CYB5R3: variants seen among roughly 807,000 people sequenced by gnomAD.
The protein encoded by CYB5R3 is cytochrome b5 reductase 3, also known as NADH-cytochrome b5 reductase 3.
CYB5R3 carries 28 observed loss-of-function variants against 36.5 expected under a neutral mutation model. The observed-to-expected ratio is 0.77, with a 90% CI of 0.57 to 1.05. The LOEUF is 1.05. Ranked by LOEUF, CYB5R3 falls within the 50% of genes least tolerant of loss-of-function variation. The probability of loss-of-function intolerance (pLI) is 0.00; values close to 1 mark genes in which losing one functional copy is unlikely to be tolerated. For missense variants in CYB5R3, 474 were observed against 408.9 expected, an observed-to-expected ratio of 1.16 and a Z score of -1.37; for synonymous variants, 181 against 159.8, an observed-to-expected ratio of 1.13 and a Z score of -1.00.
chr22:42,648,411 G>A (rs760750308), intron 1 of CYB5R3, among the ~76,000 whole-genome samples: 8 of 152,202 alleles, frequency 5.3e-5, no homozygotes, highest in Non-Finnish European at 1.0e-4. Context: ...ACAGACTCAA[G>A]CCTCCAGCCT....
In CYB5R3 at chr22:42,630,866, G is replaced by C. The variant is rs1173933957; in HGVS notation, c.333+16C>G. On this transcript the variant is annotated intron_variant, in intron 4 of 8. Coordinates refer to ENST00000352397, the MANE Select transcript of CYB5R3 (RefSeq NM_000398.7). ...CCACCCACACCCCCTCCACAGTCATGACCCAGAGGCTTCACCTTGATGACC... is the reference window on the plus strand; with the variant it reads ...CCACCCACACCCCCTCCACAGTCATCACCCAGAGGCTTCACCTTGATGACC... 1.2e-6 allele frequency: 2 copies of C among 1,603,626 alleles called. No individual in the cohort carries two copies. Among genetic ancestry groups the C allele is most frequent in the South Asian group, 1.1e-5 (1 of 89,658 alleles).
In CYB5R3 at chr22:42,630,918, G is replaced by A. The variant is rs150701311; in HGVS notation, c.297C>T (p.Ser99=). 9.5e-3 allele frequency: 15,407 copies of A among 1,613,892 alleles called. 133 individuals carry two copies. The highest frequency in any genetic ancestry group is 0.01 in the Non-Finnish European group (12,334 of 1,179,900). Residue 99 remains serine (S), a synonymous_variant, in exon 4 of 9, where the codon AGC becomes AGT. Coordinates refer to ENST00000352397, the MANE Select transcript of CYB5R3 (RefSeq NM_000398.7). ...LVVRPYTPIS[S]DDDKGFVDLV... ...GGTCCACGAAGCCCTTGTCATCATCGCTGGAGATGGGTGTATAGGGCCGGA... is the reference window on the plus strand; with the variant it reads ...GGTCCACGAAGCCCTTGTCATCATCACTGGAGATGGGTGTATAGGGCCGGA...
rs966209805 is a variant in CYB5R3 at position 42,627,385 on chromosome 22, G to A, written c.552C>T (p.Ile184=). 1 of 1,613,728 alleles carries A rather than the reference G, an allele frequency of 6.2e-7. No homozygotes were observed. Among genetic ancestry groups the A allele is most frequent in the Middle Eastern group, 1.7e-4 (1 of 6,056 alleles). The change falls in exon 7 of 9, where the codon ATC becomes ATT. Residue 184 remains isoleucine, a synonymous_variant. Transcript: ENST00000352397. The part of the protein sequence containing the change: ...SVGMIAGGTG[I]TPMLQVIRAI... ...CGCGGATCACCTGCAGCATCGGGGT[G>A]ATGCCTGCAAAATAGCCGGCCGGGC...
At chr22:42,627,827 G>A in intron 5 of CYB5R3, 139 bp from the exon 6 acceptor site, 1 of 759,862 alleles carries the variant, frequency 1.3e-6, no homozygotes, top group Non-Finnish European at 2.3e-6. Flanking sequence ...CGCGAGCCAT[G>A]AGGAAGGTGC....
chr22:42,623,682 G>A, intron 8 of CYB5R3, 107 bp downstream of exon 8: 1 of 902,980 alleles, frequency 1.1e-6, no homozygotes, highest in Non-Finnish European at 1.8e-6. Context: ...CAGGGCCATA[G>A]TGAGTGCCAG....
chr22:42,633,634 T>G (rs1476912634), intron 2 of CYB5R3, among the ~76,000 whole-genome samples: 2 of 151,912 alleles, frequency 1.3e-5, no homozygotes, highest in African/African-American at 4.8e-5. Context: ...AAATACAAAA[T>G]TAGCTGGGCA....
rs1927835180 is a variant in CYB5R3 at position 42,619,500 on chromosome 22, G to A, written c.*273C>T. ...TAGTGTGTGTGGGGGGTGGACGAGG[G>A]GTCATGAGGACAGGGATGGGGCTGG... On this transcript the variant is annotated 3_prime_UTR_variant, in exon 9 of 9. Transcript: ENST00000352397. The A allele has an allele frequency of 1.9e-6, 1 of 527,670 alleles. No homozygotes were observed. The highest frequency in any genetic ancestry group is 3.2e-5 in the East Asian group (1 of 30,792). The allele number at this position is 527,670 out of a possible 1,614,324, so 32.7% of individuals were successfully genotyped here. A position where few individuals can be genotyped will look rare whatever the true frequency, so the allele number is the denominator to read the frequency against.
intron 1 of CYB5R3, among the ~76,000 whole-genome samples, chr22:42,637,356 T>C (rs1219876062): frequency 6.6e-6 from 1 of 152,184 alleles, no homozygotes; most frequent in Non-Finnish European, 1.5e-5. Flanking sequence ...AATGGCTCTA[T>C]GGCACCTTTA....
intron 1 of CYB5R3, among the ~76,000 whole-genome samples, chr22:42,649,061 G>A (rs1929651804): frequency 6.6e-6 from 1 of 152,164 alleles, no homozygotes; most frequent in Non-Finnish European, 1.5e-5. Flanking sequence ...GCGCCCCCCG[G>A]GCAGGAGGGC....
At chr22:42,631,320 A>C in intron 3 of CYB5R3, 58 bp downstream of exon 3, 3 of 1,479,340 alleles carry the variant, frequency 2.0e-6, no homozygotes, top group Non-Finnish European at 2.8e-6. Flanking sequence ...CATCTCTCTG[A>C]TCTAGTGCCC....
intron 7 of CYB5R3, 121 bp downstream of exon 7, chr22:42,627,183 C>A (rs1928313985): frequency 4.7e-6 from 4 of 854,076 alleles, no homozygotes; most frequent in Non-Finnish European, 7.8e-6. Context: ...CAGGGCCCCC[C>A]ATCCCGGTCA....
chr22:42,630,135 T>C (rs1448207677), intron 4 of CYB5R3, among the ~76,000 whole-genome samples: 2 of 152,146 alleles, frequency 1.3e-5, no homozygotes, highest in African/African-American at 4.8e-5. Context: ...ACGTCCCTGC[T>C]GGGGCCGTCA....
intron 1 of CYB5R3, chr22:42,640,430 G>C (rs1929196773): frequency 2.0e-6 from 1 of 494,414 alleles, no homozygotes; most frequent in Admixed American, 4.8e-5. Context: ...CCAGGCTGGA[G>C]TACAGTGGTG....
At chr22:42,633,803 G>A (rs2267456) in intron 2 of CYB5R3, among the ~76,000 whole-genome samples, 23,373 of 151,876 alleles carry the variant, frequency 0.15, 2,440 homozygotes, top group East Asian at 0.58. Context: ...AAAAAGGAAC[G>A]ACAGTAACAG....
At position 42,636,813 on chromosome 22, in the gene CYB5R3, G is replaced by C. The variant is rs754917938; in HGVS notation, c.55C>G (p.Leu19Val). 6.2e-7 allele frequency: 1 copy of C among 1,613,958 alleles called. No homozygotes were observed. Among genetic ancestry groups the C allele is most frequent in the Non-Finnish European group, 8.5e-7 (1 of 1,180,014 alleles). Residue 19 changes from leucine (L) to valine (V), a missense_variant, in exon 2 of 9, where the codon CTG becomes GTG. Coordinates refer to ENST00000352397, the MANE Select transcript of CYB5R3 (RefSeq NM_000398.7). ...AACAGCTTCATGAGCAGACTGTACAGGAACCAGACTGGGAAGAGCACCATA... is the reference window on the plus strand; with the variant it reads ...AACAGCTTCATGAGCAGACTGTACACGAACCAGACTGGGAAGAGCACCATA... ...GHMVLFPVWF[L>V]YSLLMKLFQR...
At chr22:42,645,140 C>G (rs1426330086) in intron 1 of CYB5R3, among the ~76,000 whole-genome samples, 1 of 152,186 alleles carries the variant, frequency 6.6e-6, no homozygotes, top group Non-Finnish European at 1.5e-5. Context: ...GGCAAGTCCC[C>G]GAATGCTGGC....
chr22:42,633,290 A>C (rs2146887452), intron 2 of CYB5R3: 1 of 152,352 alleles, frequency 6.6e-6, no homozygotes, highest in Non-Finnish European at 1.5e-5. Context: ...CAAAAAAAGA[A>C]ACTGAGTGTG....
At chr22:42,622,581 C>G (rs743887) in intron 8 of CYB5R3, among the ~76,000 whole-genome samples, 33,476 of 152,154 alleles carry the variant, frequency 0.22, 4,562 homozygotes, top group South Asian at 0.33. Context: ...GGAACCCAAG[C>G]TGGTCATCTG....
chr22:42,640,155 A>G, intron 1 of CYB5R3: 3 of 1,613,322 alleles, frequency 1.9e-6, no homozygotes, highest in Non-Finnish European at 2.5e-6. Context: ...CAGGGGTGGG[A>G]GGAACCAGCT....
Sources: allele counts gnomAD v4.1 joint callset (sites outside exome capture counted in the v4.1 genomes callset), GRCh38; gene constraint gnomAD v4.1.1; transcripts MANE v1.5; gene names NCBI Gene and HGNC (gene_info 2026-07-23, HGNC 2026-07-21).